The following TENM2 variants were observed in gnomAD, a reference collection of about 807,000 sequenced individuals.
The protein encoded by TENM2 is teneurin transmembrane protein 2, also known as teneurin-2.
TENM2 carries 52 observed loss-of-function variants against 245.2 expected under a neutral mutation model. The ratio of observed to expected loss-of-function variants is 0.21; its 90% CI spans 0.17 to 0.27. TENM2 has a LOEUF of 0.27. Ranked by LOEUF, TENM2 falls within the 10% of genes least tolerant of loss-of-function variation. TENM2 has a pLI of 1.00. For synonymous variants in TENM2, 1,363 were observed against 1,438.9 expected, an observed-to-expected ratio of 0.95 and a Z score of 1.19; for missense variants, 3,046 against 3,666.8, an observed-to-expected ratio of 0.83 and a Z score of 4.37.
At chr5:167,640,659 A>G (rs985020843) in intron 2 of TENM2, among the ~76,000 whole-genome samples, 1 of 150,686 alleles carries the variant, frequency 6.6e-6, no homozygotes, top group Non-Finnish European at 1.5e-5. Context: ...CTGGAAATAT[A>G]TACCTTGCAA....
At position 167,792,576 on chromosome 5, in the gene TENM2, C is replaced by T. The variant is rs114717602; in HGVS notation, c.503-83410C>T. Among the ~76,000 whole-genome samples the T allele has an allele frequency of 9.0e-3, 1,366 of 152,116 alleles. 21 individuals carry two copies. The highest frequency in any genetic ancestry group is 0.031 in the African/African-American group (1,277 of 41,502). On this transcript the variant is annotated intron_variant, in intron 2 of 28. Transcript: ENST00000518659. The stretch of plus-strand genomic sequence containing the variant: ...TCCACCTCACTGACTATAATAGCTC[C>T]TCGGGAGCCACAAAGAGCAGTTGTG...
the TENM2 span, among the ~76,000 whole-genome samples, chr5:166,989,468 G>C: frequency 6.6e-6 from 1 of 151,464 alleles, no homozygotes; most frequent in Non-Finnish European, 1.5e-5. Context: ...CCATGTTCTC[G>C]ATCTCCTGAC....
intron 1 of TENM2, among the ~76,000 whole-genome samples, chr5:167,332,547 C>A (rs1037446959): frequency 1.5e-4 from 23 of 152,128 alleles, no homozygotes; most frequent in Non-Finnish European, 3.2e-4. Flanking sequence ...GATGCAAATT[C>A]ATGTTTGTTT....
the TENM2 span, among the ~76,000 whole-genome samples, chr5:167,027,961 C>T: frequency 1.3e-5 from 2 of 150,404 alleles, no homozygotes; most frequent in South Asian, 2.1e-4. Context: ...ATCCCGGCTA[C>T]TCTGGAGGCT....
chr5:167,759,808 C>A (rs1762543233), intron 2 of TENM2, among the ~76,000 whole-genome samples: 1 of 152,176 alleles, frequency 6.6e-6, no homozygotes, highest in Non-Finnish European at 1.5e-5. Context: ...GTTCCTACAA[C>A]AATAATTATG....
At chr5:168,006,648 T>C (rs1242621389) in intron 5 of TENM2, among the ~76,000 whole-genome samples, 1 of 151,962 alleles carries the variant, frequency 6.6e-6, no homozygotes, top group Non-Finnish European at 1.5e-5. Flanking sequence ...GAAATAGAAA[T>C]AGCTTTTTCA....
chr5:168,108,354 G>C (rs551091466), intron 9 of TENM2, among the ~76,000 whole-genome samples: 1 of 152,320 alleles, frequency 6.6e-6, no homozygotes, highest in African/African-American at 2.4e-5. Flanking sequence ...TTGAATTATT[G>C]CTGCTCTAGT....
the TENM2 span, among the ~76,000 whole-genome samples, chr5:167,219,985 G>T: frequency 6.6e-6 from 1 of 152,174 alleles, no homozygotes; most frequent in South Asian, 2.1e-4. Context: ...AGATAAACTT[G>T]ATTGTGCATG....
chr5:167,179,910 G>C, the TENM2 span, among the ~76,000 whole-genome samples: 4 of 152,108 alleles, frequency 2.6e-5, no homozygotes, highest in Non-Finnish European at 4.4e-5. Flanking sequence ...CTTCCTAGTT[G>C]GGAGAATAGG....
chr5:167,411,191 G>A (rs1762889099), intron 2 of TENM2, among the ~76,000 whole-genome samples: 1 of 152,002 alleles, frequency 6.6e-6, no homozygotes. Flanking sequence ...GAGAGGATAG[G>A]AAACTGTGAT....
the TENM2 span, among the ~76,000 whole-genome samples, chr5:167,078,796 A>G: frequency 6.6e-6 from 1 of 152,162 alleles, no homozygotes; most frequent in East Asian, 1.9e-4. Context: ...AATATAAACT[A>G]TTGATTTCTT....
chr5:167,106,912 C>A, the TENM2 span, among the ~76,000 whole-genome samples: 5 of 151,604 alleles, frequency 3.3e-5, no homozygotes, highest in East Asian at 9.7e-4. Flanking sequence ...TTGATATACG[C>A]CAAAAATGCA....
chr5:168,245,650 C>CA (rs1480542063), intron 26 of TENM2, among the ~76,000 whole-genome samples: 2 of 151,596 alleles, frequency 1.3e-5, no homozygotes, highest in Non-Finnish European at 1.5e-5. Context: ...AGTCATTAGA[C>CA]AGGGCTTGCT....
chr5:168,036,197 C>A (rs189926380), intron 5 of TENM2, among the ~76,000 whole-genome samples: 1 of 152,114 alleles, frequency 6.6e-6, no homozygotes, highest in Non-Finnish European at 1.5e-5. Flanking sequence ...ATGACCATGT[C>A]GAATGTCACT....
intron 2 of TENM2, among the ~76,000 whole-genome samples, chr5:167,720,629 G>T (rs898320192): frequency 1.3e-5 from 2 of 152,152 alleles, no homozygotes; most frequent in Non-Finnish European, 2.9e-5. Context: ...CTATTCATTT[G>T]CATGTTTTTC....
chr5:167,866,999 G>A (rs1277062137), intron 2 of TENM2, among the ~76,000 whole-genome samples: 11 of 152,204 alleles, frequency 7.2e-5, no homozygotes, highest in Non-Finnish European at 1.2e-4. Context: ...GCTGGACAGC[G>A]TCAATCTGGA....
intron 2 of TENM2, among the ~76,000 whole-genome samples, chr5:167,776,509 T>A (rs978932701): frequency 6.9e-6 from 1 of 144,246 alleles, no homozygotes; most frequent in Admixed American, 7.5e-5. Context: ...GTGGGAAGAT[T>A]GCTTGGGCCT....
At chr5:168,188,557 A>G (rs184375496) in intron 13 of TENM2, among the ~76,000 whole-genome samples, 35 of 152,352 alleles carry the variant, frequency 2.3e-4, no homozygotes, top group South Asian at 4.1e-4. Context: ...ACATCTGTTG[A>G]GTGCCCGATT....
At chr5:167,404,534 C>T (rs1273158916) in intron 2 of TENM2, among the ~76,000 whole-genome samples, 2 of 152,068 alleles carry the variant, frequency 1.3e-5, no homozygotes, top group Non-Finnish European at 2.9e-5. Flanking sequence ...CCCTTTTAAC[C>T]ACATTCATCA....
Sources: allele counts gnomAD v4.1 joint callset (sites outside exome capture counted in the v4.1 genomes callset), GRCh38; gene constraint gnomAD v4.1.1; transcripts MANE v1.5; gene names NCBI Gene and HGNC (gene_info 2026-07-23, HGNC 2026-07-21).